TBC1D12: variants seen among roughly 807,000 people sequenced by gnomAD.
TBC1D12 encodes the protein TBC1 domain family member 12, also known as TBC1 domain family, member 12.
In TBC1D12, 56 loss-of-function variants were observed where a neutral mutation model predicts 86.7. The observed-to-expected ratio is 0.65, with a 90% CI of 0.52 to 0.81. The LOEUF (loss-of-function observed/expected upper bound fraction) is 0.81, where lower values mean the gene tolerates loss of function less well. Ranked by LOEUF, TBC1D12 falls within the 30% of genes least tolerant of loss-of-function variation. The pLI is 0.00. For missense variants in TBC1D12, 1,023 were observed against 1,038.8 expected (o/e 0.98, Z 0.21); for synonymous variants, 421 against 411.7 (o/e 1.02, Z -0.27).
At chr10:94,406,914 T>C (rs755249394) in intron 1 of TBC1D12, among the ~76,000 whole-genome samples, 38 of 152,210 alleles carry the variant, frequency 2.5e-4, no homozygotes, top group Non-Finnish European at 3.5e-4. Flanking sequence ...CAATCCATGT[T>C]TATGTTCAGT....
At chr10:94,515,915 A>ACAG (rs34264680) in intron 9 of TBC1D12, among the ~76,000 whole-genome samples, 67,073 of 151,784 alleles carry the variant, frequency 0.44, 15,139 homozygotes, top group East Asian at 0.79. Flanking sequence ...GGTAGCATAT[A>ACAG]CATGGTTACA....
At chr10:94,419,501 C>T (rs949496810) in intron 1 of TBC1D12, among the ~76,000 whole-genome samples, 23 of 151,952 alleles carry the variant, frequency 1.5e-4, no homozygotes, top group Admixed American at 7.9e-4. Flanking sequence ...GGTGAAACCC[C>T]GTCTCTACTA....
At chr10:94,407,555 G>A (rs1226428424) in intron 1 of TBC1D12, among the ~76,000 whole-genome samples, 1 of 152,008 alleles carries the variant, frequency 6.6e-6, no homozygotes, top group Non-Finnish European at 1.5e-5. Flanking sequence ...GTGGTGGTGG[G>A]TGCCTGTAAT....
At position 94,510,078 on chromosome 10, in the gene TBC1D12, T is replaced by C; in HGVS notation, c.1601-13T>C. 6.3e-7 allele frequency: 1 copy of C among 1,596,184 alleles called. No individual in the cohort carries two copies. The highest frequency in any genetic ancestry group is 8.5e-7 in the Non-Finnish European group (1 of 1,169,748). On this transcript the variant is annotated splice_polypyrimidine_tract_variant and intron_variant, in intron 7 of 12. Coordinates refer to ENST00000225235, the MANE Select transcript of TBC1D12 (RefSeq NM_015188.2). Reference sequence around the variant, plus strand: ...AAGTGATCATTTAAATTGTATCTGCTTGGTAAATGCAGGTGTATCTGTTGC... The same window carrying C: ...AAGTGATCATTTAAATTGTATCTGCCTGGTAAATGCAGGTGTATCTGTTGC...
chr10:94,414,482 T>C (rs972670183), intron 1 of TBC1D12, among the ~76,000 whole-genome samples: 1 of 152,242 alleles, frequency 6.6e-6, no homozygotes, highest in Non-Finnish European at 1.5e-5. Flanking sequence ...TTGGCATACC[T>C]CAGTGCCTTT....
intron 2 of TBC1D12, among the ~76,000 whole-genome samples, chr10:94,473,671 A>G (rs568673632): frequency 2.6e-5 from 4 of 152,328 alleles, no homozygotes; most frequent in African/African-American, 9.6e-5. Flanking sequence ...AAATATAACT[A>G]GTGCCTGGAG....
intron 11 of TBC1D12, among the ~76,000 whole-genome samples, chr10:94,523,460 T>C (rs1393502759): frequency 6.6e-6 from 1 of 152,170 alleles, no homozygotes; most frequent in Non-Finnish European, 1.5e-5. Flanking sequence ...ATATTGTTTC[T>C]TTTTATTTCA....
intron 2 of TBC1D12, among the ~76,000 whole-genome samples, chr10:94,461,792 T>C (rs1269634921): frequency 6.6e-6 from 1 of 152,214 alleles, no homozygotes; most frequent in Non-Finnish European, 1.5e-5. Flanking sequence ...TGTTTGTTTC[T>C]GCAGTTTTGG....
intron 2 of TBC1D12, among the ~76,000 whole-genome samples, chr10:94,446,485 T>G (rs957851587): frequency 1.3e-5 from 2 of 152,192 alleles, no homozygotes; most frequent in Non-Finnish European, 2.9e-5. Context: ...AGTAGTAGTA[T>G]TTCATTGGCT....
intron 1 of TBC1D12, among the ~76,000 whole-genome samples, chr10:94,405,114 C>CT (rs1265001457): frequency 1.6e-4 from 24 of 146,894 alleles, no homozygotes; most frequent in Non-Finnish European, 3.3e-4. Context: ...TCTTCTTCTT[C>CT]TTCTTTTTTC....
intron 1 of TBC1D12, among the ~76,000 whole-genome samples, chr10:94,436,908 A>C (rs1462329410): frequency 6.6e-6 from 1 of 151,804 alleles, no homozygotes; most frequent in Admixed American, 6.6e-5. Flanking sequence ...GGATTTCACC[A>C]TGTTGGCCAG....
chr10:94,484,686 G>A (rs535903551), intron 3 of TBC1D12, among the ~76,000 whole-genome samples: 24 of 151,774 alleles, frequency 1.6e-4, no homozygotes, highest in African/African-American at 5.6e-4. Flanking sequence ...ATTGCTTAGG[G>A]TATTATGGAC....
intron 2 of TBC1D12, among the ~76,000 whole-genome samples, chr10:94,464,129 T>A (rs2055771830): frequency 1.3e-5 from 2 of 152,212 alleles, no homozygotes. Flanking sequence ...TATTCTTGTA[T>A]CTACCTTTAT....
intron 3 of TBC1D12, among the ~76,000 whole-genome samples, chr10:94,489,395 G>A (rs1239783489): frequency 6.6e-6 from 1 of 152,224 alleles, no homozygotes; most frequent in Non-Finnish European, 1.5e-5. Context: ...TGGGGGAGGG[G>A]TGGTGTTGGC....
At chr10:94,498,199 G>T (rs939083390) in intron 5 of TBC1D12, among the ~76,000 whole-genome samples, 1 of 152,072 alleles carries the variant, frequency 6.6e-6, no homozygotes, top group Non-Finnish European at 1.5e-5. Flanking sequence ...TTTGGAAAGA[G>T]AATATTAAAT....
At chr10:94,520,398 C>T (rs1399221545) in intron 9 of TBC1D12, among the ~76,000 whole-genome samples, 1 of 151,842 alleles carries the variant, frequency 6.6e-6, no homozygotes, top group Non-Finnish European at 1.5e-5. Context: ...ACTAAAAATA[C>T]AAAATTAGCC....
chr10:94,435,739 T>G (rs2055284898), intron 1 of TBC1D12, among the ~76,000 whole-genome samples: 1 of 152,230 alleles, frequency 6.6e-6, no homozygotes, highest in African/African-American at 2.4e-5. Context: ...TTGGGACTGA[T>G]TTTTAGATTT....
intron 2 of TBC1D12, among the ~76,000 whole-genome samples, chr10:94,447,950 C>A (rs1008938302): frequency 6.7e-6 from 1 of 149,974 alleles, no homozygotes; most frequent in African/African-American, 2.5e-5. Flanking sequence ...CCTTTTTTTG[C>A]TAGGCACTGC....
Position 94,436,896 on chromosome 10 carries a change from C to T in TBC1D12, c.972-5000C>T, listed in dbSNP as rs182289422. 8.4e-3 allele frequency among the ~76,000 whole-genome samples: 1,270 copies of T among 150,906 alleles called. 26 individuals carry two copies. The highest frequency in any genetic ancestry group is 0.029 in the African/African-American group (1,190 of 41,008). On this transcript the variant is annotated intron_variant, in intron 1 of 12. Transcript: ENST00000225235. ...CTAATTTTTGTATTTTTAGTAGAGA[C>T]GGGATTTCACCATGTTGGCCAGGAT...
Sources: gnomAD v4.1 joint callset for allele counts (sites outside exome capture counted in the v4.1 genomes callset) on GRCh38, gnomAD v4.1.1 for gene constraint, MANE v1.5 for transcripts, NCBI Gene and HGNC (gene_info 2026-07-23, HGNC 2026-07-21) for gene names.